Variants in NAALADL2 observed in about 807,000 individuals in gnomAD.
NAALADL2 encodes the protein N-acetylated alpha-linked acidic dipeptidase like 2.
NAALADL2 carries 76 observed loss-of-function variants against 87.2 expected under a neutral mutation model. That is an observed-to-expected ratio of 0.87 (90% CI 0.72 to 1.05). NAALADL2 has a LOEUF of 1.05. Ranked by LOEUF, NAALADL2 falls within the 50% of genes least tolerant of loss-of-function variation. The probability of loss-of-function intolerance (pLI) is 0.00; values close to 1 mark genes in which losing one functional copy is unlikely to be tolerated. For synonymous variants in NAALADL2, 354 were observed against 331.0 expected, an observed-to-expected ratio of 1.07 and a Z score of -0.75; for missense variants, 1,089 against 945.8, an observed-to-expected ratio of 1.15 and a Z score of -1.99.
At chr3:175,428,266 TG>T (rs1717158814) in intron 5 of NAALADL2, among the ~76,000 whole-genome samples, 1 of 152,090 alleles carries the variant, frequency 6.6e-6, no homozygotes, top group Non-Finnish European at 1.5e-5. Context: ...AGCTAGAAAA[TG>T]GGAAGTACTC....
intron 11 of NAALADL2, among the ~76,000 whole-genome samples, chr3:175,710,874 T>TA (rs1582976732): frequency 6.6e-6 from 1 of 151,912 alleles, no homozygotes; most frequent in East Asian, 1.9e-4. Flanking sequence ...AATCTACATG[T>TA]AGTTGATCAG....
At position 175,590,823 on chromosome 3, in the gene NAALADL2, C is replaced by T. The variant is rs541616002; in HGVS notation, c.1800+14636C>T. Among the ~76,000 whole-genome samples the T allele has an allele frequency of 1.2e-4, 18 of 152,240 alleles. No individual in the cohort carries two copies. The South Asian group carries it at 3.3e-3, about 28-fold the overall frequency. ...GAAAACAATTGGAGTTAAAAGTGTG[C>T]ATAAATCAGGGTTTAATGATTTCAA... On this transcript the variant is annotated intron_variant, in intron 10 of 13. Transcript: ENST00000454872.
chr3:175,260,453 A>G (rs1373000342), intron 4 of NAALADL2, among the ~76,000 whole-genome samples: 2 of 152,186 alleles, frequency 1.3e-5, no homozygotes, highest in Admixed American at 6.5e-5. Flanking sequence ...CTTTCAATAT[A>G]CATTCCATTG....
chr3:174,922,070 C>G (rs1175032800), intron 1 of NAALADL2, among the ~76,000 whole-genome samples: 1 of 151,730 alleles, frequency 6.6e-6, no homozygotes, highest in Non-Finnish European at 1.5e-5. Flanking sequence ...AGTTTGGAGG[C>G]CAAGGCAGGA....
chr3:174,687,433 T>A (rs1402686546), intron 2 of NAALADL2, among the ~76,000 whole-genome samples: 1 of 152,094 alleles, frequency 6.6e-6, no homozygotes, highest in Non-Finnish European at 1.5e-5. Context: ...TTATTTGTAA[T>A]GTGTGTTTTG....
intron 2 of NAALADL2, among the ~76,000 whole-genome samples, chr3:175,211,255 T>C (rs7641680): frequency 0.1 from 15,356 of 151,880 alleles, 972 homozygotes; most frequent in East Asian, 0.2. Context: ...TCAGAATCTT[T>C]ATTACGTTTT....
At chr3:175,428,301 A>G (rs998320087) in intron 5 of NAALADL2, among the ~76,000 whole-genome samples, 1 of 152,168 alleles carries the variant, frequency 6.6e-6, no homozygotes, top group African/African-American at 2.4e-5. Context: ...GAAGAAAACG[A>G]AACTCCTTTG....
intron 13 of NAALADL2, among the ~76,000 whole-genome samples, chr3:175,784,953 C>T (rs1187472547): frequency 3.1e-4 from 45 of 143,572 alleles, no homozygotes; most frequent in Non-Finnish European, 4.9e-4. Context: ...GCCTTCATTG[C>T]GTTATGTACC....
intron 1 of NAALADL2, among the ~76,000 whole-genome samples, chr3:175,078,112 C>T (rs1580325005): frequency 6.6e-6 from 1 of 151,854 alleles, no homozygotes. Context: ...GCAACCTCTG[C>T]CTCCCAGGTT....
chr3:175,012,544 T>C (rs888489160), intron 1 of NAALADL2, among the ~76,000 whole-genome samples: 1 of 152,250 alleles, frequency 6.6e-6, no homozygotes, highest in African/African-American at 2.4e-5. Flanking sequence ...GTAAAATAAT[T>C]TTTTTATTTT....
At chr3:175,350,232 A>G (rs1763617200) in intron 5 of NAALADL2, among the ~76,000 whole-genome samples, 1 of 152,164 alleles carries the variant, frequency 6.6e-6, no homozygotes, top group Non-Finnish European at 1.5e-5. Context: ...AAAATATTAG[A>G]CAAGATAAAG....
chr3:175,257,541 T>C (rs1239624647), intron 4 of NAALADL2, among the ~76,000 whole-genome samples: 1 of 145,674 alleles, frequency 6.9e-6, no homozygotes, highest in African/African-American at 2.5e-5. Context: ...AATCATATTT[T>C]AACCCAGAAT....
intron 5 of NAALADL2, among the ~76,000 whole-genome samples, chr3:175,373,843 A>G (rs1766785309): frequency 6.6e-6 from 1 of 152,184 alleles, no homozygotes; most frequent in Admixed American, 6.5e-5. Flanking sequence ...TCTTTATTTT[A>G]ACAATCTAAT....
At chr3:175,384,306 G>T (rs1039529292) in intron 5 of NAALADL2, among the ~76,000 whole-genome samples, 1 of 151,972 alleles carries the variant, frequency 6.6e-6, no homozygotes, top group African/African-American at 2.4e-5. Flanking sequence ...GCTTTTGCTG[G>T]TATCCTAAAC....
At chr3:174,664,364 C>G (rs1160587868) in intron 2 of NAALADL2, among the ~76,000 whole-genome samples, 1 of 152,122 alleles carries the variant, frequency 6.6e-6, no homozygotes, top group Non-Finnish European at 1.5e-5. Flanking sequence ...TGGGGCTAAA[C>G]AAATAGTCTC....
intron 2 of NAALADL2, among the ~76,000 whole-genome samples, chr3:175,130,627 C>T (rs1305533095): frequency 6.6e-6 from 1 of 152,144 alleles, no homozygotes; most frequent in Non-Finnish European, 1.5e-5. Context: ...GTATTCTTGG[C>T]ACCCTTATCA....
Position 174,988,268 on chromosome 3 carries a change from G to A in NAALADL2, c.44-108522G>A, listed in dbSNP as rs573939090. On this transcript the variant is annotated intron_variant, in intron 1 of 13. Transcript: ENST00000454872. ...TTACAGTTGAAGTAACTAACATCCA[G>A]TTAAGCTTTAATTTACCCAGGTACC... 9.2e-5 allele frequency among the ~76,000 whole-genome samples: 14 copies of A among 152,258 alleles called. No individual in the cohort carries two copies. The South Asian group carries it at 2.9e-3, about 32-fold the overall frequency.
At chr3:174,826,371 T>G (rs1721997287) in intron 3 of NAALADL2, among the ~76,000 whole-genome samples, 1 of 152,310 alleles carries the variant, frequency 6.6e-6, no homozygotes, top group Admixed American at 6.5e-5. Flanking sequence ...GACAAGTTTC[T>G]TTTTCCTTTT....
At chr3:175,230,113 G>A (rs1281984259) in intron 2 of NAALADL2, among the ~76,000 whole-genome samples, 1 of 151,722 alleles carries the variant, frequency 6.6e-6, no homozygotes, top group Non-Finnish European at 1.5e-5. Flanking sequence ...ACTCATGTTG[G>A]AAAAAGGGAA....
Sources: allele counts gnomAD v4.1 joint callset (sites outside exome capture counted in the v4.1 genomes callset), GRCh38; gene constraint gnomAD v4.1.1; transcripts MANE v1.5; gene names NCBI Gene and HGNC (gene_info 2026-07-23, HGNC 2026-07-21).